The following RSPH14 variants were observed in gnomAD, a reference collection of about 807,000 sequenced individuals.
RSPH14 encodes radial spoke head 14 homolog.
In RSPH14, 20 loss-of-function variants were observed where a neutral mutation model predicts 26.7. The observed-to-expected ratio is 0.75, with a 90% CI of 0.53 to 1.09. The LOEUF (loss-of-function observed/expected upper bound fraction) is 1.09, where lower values mean the gene tolerates loss of function less well. Ranked by LOEUF, RSPH14 falls within the 50% of genes least tolerant of loss-of-function variation. The pLI is 0.00. For missense variants in RSPH14, 449 were observed against 457.2 expected (o/e 0.98, Z 0.16); for synonymous variants, 177 against 189.3 (o/e 0.93, Z 0.53).
chr22:23,162,673 G>T, the RSPH14 span: 1 of 456,222 alleles, frequency 2.2e-6, no homozygotes, highest in African/African-American at 2.0e-5. Context: ...ACAGCCCCAG[G>T]CCCCTGTCAC....
chr22:23,164,352 G>A, the RSPH14 span: 1 of 152,206 alleles, frequency 6.6e-6, no homozygotes, highest in South Asian at 2.1e-4. Context: ...ATTACCTCCT[G>A]CAATGTGCCA....
chr22:23,128,301 T>A (rs140432346), intron 4 of RSPH14, among the ~76,000 whole-genome samples: 1 of 152,262 alleles, frequency 6.6e-6, no homozygotes, highest in East Asian at 1.9e-4. Flanking sequence ...TGGTCACCGA[T>A]AGGGACACTC....
chr22:23,070,326 C>T (rs2068317141), intron 4 of RSPH14: 1 of 143,834 alleles, frequency 7.0e-6, no homozygotes, highest in African/African-American at 2.5e-5. Flanking sequence ...GGCGGCGGCG[C>T]GGCGCGGGGC....
chr22:23,143,322 AATAAATAAATAG>A (rs1395636424), upstream of RSPH14, among the ~76,000 whole-genome samples: 761 of 145,554 alleles, frequency 5.2e-3, 8 homozygotes, highest in African/African-American at 0.017. Flanking sequence ...TAAATAAATA[AATAAATAAATAG>A]ATATAATTTT....
intron 4 of RSPH14, among the ~76,000 whole-genome samples, chr22:23,075,947 A>G (rs183290331): frequency 1.3e-5 from 2 of 152,250 alleles, no homozygotes; most frequent in East Asian, 3.9e-4. Flanking sequence ...ATGGAGGCCA[A>G]GGTCCTCTGA....
chr22:23,140,361 G>C lies in RSPH14; in HGVS notation c.60C>G (p.Thr20=). 6.2e-7 allele frequency: 1 copy of C among 1,614,204 alleles called. No individual in the cohort carries two copies. Among genetic ancestry groups the C allele is most frequent in the Non-Finnish European group, 8.5e-7 (1 of 1,180,036 alleles). Residue 20 remains threonine, a synonymous_variant, in exon 2 of 7, where the codon ACC becomes ACG. Coordinates refer to ENST00000216036, the MANE Select transcript of RSPH14 (RefSeq NM_014433.3). The stretch of plus-strand genomic sequence containing the variant: ...GCAGGGCCCGATGGCCATAGGCAGT[G>C]GTAATCTGGGTGGCATTGATGTTAA... ...LPININATQI[T]TAYGHRALPK... is the part of the protein sequence containing the mutation.
intron 4 of RSPH14, among the ~76,000 whole-genome samples, chr22:23,083,959 GGA>G (rs1341676218): frequency 6.6e-6 from 1 of 152,176 alleles, no homozygotes; most frequent in East Asian, 1.9e-4. Flanking sequence ...CAGGTGGGGT[GGA>G]ACAGGGCACT....
At chr22:23,081,591 G>A (rs1204280577) in intron 4 of RSPH14, among the ~76,000 whole-genome samples, 5 of 152,102 alleles carry the variant, frequency 3.3e-5, no homozygotes, top group African/African-American at 4.8e-5. Flanking sequence ...GGAAGGAGAC[G>A]CAGGTGGATC....
intron 4 of RSPH14, among the ~76,000 whole-genome samples, chr22:23,068,423 C>T (rs1178175719): frequency 6.6e-6 from 1 of 152,240 alleles, no homozygotes; most frequent in Non-Finnish European, 1.5e-5. Flanking sequence ...AGAAAAGGGC[C>T]GGTCTGAATC....
upstream of RSPH14, chr22:23,145,299 T>A: frequency 2.4e-6 from 3 of 1,234,694 alleles, no homozygotes; most frequent in Non-Finnish European, 3.3e-6. Flanking sequence ...GATCTCCGGC[T>A]CTCCAGGGTG....
the RSPH14 span, among the ~76,000 whole-genome samples, chr22:23,152,120 C>T: frequency 3.4e-3 from 517 of 152,364 alleles, 7 homozygotes; most frequent in African/African-American, 0.012. Flanking sequence ...GACGTGCCCA[C>T]GGCTGTTGGT....
At chr22:23,139,006 C>T (rs1413878201) in intron 2 of RSPH14, 64 bp from the exon 3 acceptor site, 2 of 1,374,798 alleles carry the variant, frequency 1.5e-6, no homozygotes, top group African/African-American at 2.9e-5. Context: ...AGAAACCAAC[C>T]AACCCAGAAG....
chr22:23,083,521 CG>C (rs2068734559), intron 4 of RSPH14, among the ~76,000 whole-genome samples: 2 of 152,234 alleles, frequency 1.3e-5, no homozygotes, highest in South Asian at 4.1e-4. Context: ...ATCTGTTCTG[CG>C]AATCTTTCAC....
intron 4 of RSPH14, among the ~76,000 whole-genome samples, chr22:23,100,924 G>A (rs2069284806): frequency 6.6e-6 from 1 of 152,192 alleles, no homozygotes; most frequent in African/African-American, 2.4e-5. Flanking sequence ...CCCTAGCGCT[G>A]TGGTTTATCA....
chr22:23,130,210 C>T (rs543944746), intron 4 of RSPH14, among the ~76,000 whole-genome samples: 1 of 149,216 alleles, frequency 6.7e-6, no homozygotes, highest in Admixed American at 6.7e-5. Context: ...AATCCCAGCA[C>T]TTTGGGAGGC....
chr22:23,081,821 CAAAAAAA>C (rs55713577), intron 4 of RSPH14, among the ~76,000 whole-genome samples: 3 of 46,746 alleles, frequency 6.4e-5, no homozygotes, highest in Non-Finnish European at 1.1e-4. Context: ...GATTCCATCT[CAAAAAAA>C]AAAAAAAAAA....
At chr22:23,109,154 A>T (rs1403488617) in intron 4 of RSPH14, among the ~76,000 whole-genome samples, 1 of 152,132 alleles carries the variant, frequency 6.6e-6, no homozygotes, top group African/African-American at 2.4e-5. Context: ...GACGCACTTC[A>T]CTGTCACCCA....
At chr22:23,090,369 A>G (rs2068936476) in intron 4 of RSPH14, among the ~76,000 whole-genome samples, 1 of 152,088 alleles carries the variant, frequency 6.6e-6, no homozygotes, top group Non-Finnish European at 1.5e-5. Context: ...GCCTCACTGC[A>G]TCCACTTCCC....
chr22:23,155,479 T>C, the RSPH14 span, among the ~76,000 whole-genome samples: 2 of 152,166 alleles, frequency 1.3e-5, no homozygotes, highest in East Asian at 3.9e-4. Context: ...GTGTTAGGTA[T>C]CTCCAACTCC....
Sources: gnomAD v4.1 joint callset for allele counts (sites outside exome capture counted in the v4.1 genomes callset) on GRCh38, gnomAD v4.1.1 for gene constraint, MANE v1.5 for transcripts, NCBI Gene and HGNC (gene_info 2026-07-23, HGNC 2026-07-21) for gene names.